Variants in IQSEC1 observed in about 807,000 individuals in gnomAD.
The protein encoded by IQSEC1 is IQ motif and Sec7 domain ArfGEF 1, also known as IQ motif and SEC7 domain-containing protein 1.
A neutral mutation model predicts 91.0 loss-of-function variants in IQSEC1; 31 were observed. The ratio of observed to expected loss-of-function variants is 0.34; its 90% CI spans 0.26 to 0.46. The LOEUF (loss-of-function observed/expected upper bound fraction) is 0.46, where lower values mean the gene tolerates loss of function less well. Among genes scored for constraint, IQSEC1 ranks in the 20% least tolerant of loss-of-function variants. The probability of loss-of-function intolerance (pLI) is 1.00; values close to 1 mark genes in which losing one functional copy is unlikely to be tolerated. For synonymous variants in IQSEC1, 699 were observed against 662.6 expected (o/e 1.05, Z -0.84); for missense variants, 1,388 against 1,575.6 (o/e 0.88, Z 2.02).
chr3:12,908,665 G>A lies in IQSEC1; in HGVS notation c.2579-140C>T, dbSNP rs919274305. The A allele has an allele frequency of 3.5e-5, 31 of 873,546 alleles. No individual in the cohort carries two copies. Among genetic ancestry groups the A allele is most frequent in the Non-Finnish European group, 5.5e-5 (31 of 559,774 alleles). The allele number at this position is 873,546 out of a possible 1,614,324, so 54.1% of individuals were successfully genotyped here. ...GGAAGGGTTGTTTCTGGGAAAGAGG[G>A]TGTGATGGCCACCCTGGACAAAAGA... is the stretch of plus-strand genomic sequence containing the variant. On this transcript the variant is annotated intron_variant, in intron 11 of 13. Transcript: ENST00000613206. This position sits in a 1 kb window ranked among gnomAD's most constrained non-coding sequence, Gnocchi z 4.9.
intron 1 of IQSEC1, among the ~76,000 whole-genome samples, chr3:12,987,452 G>C (rs1701796004): frequency 2.0e-5 from 3 of 152,250 alleles, no homozygotes; most frequent in African/African-American, 4.8e-5. Context: ...CAGAGAGAGA[G>C]AGAGAGACCG....
At position 13,257,068 on chromosome 3, in the gene IQSEC1, G is replaced by A. The variant is rs149855700; in HGVS notation, c.272+25643C>T. Among the ~76,000 whole-genome samples, 630 of 152,316 alleles carry A rather than the reference G, an allele frequency of 4.1e-3. 8 individuals are homozygous for A. Among genetic ancestry groups the A allele is most frequent in the African/African-American group, 0.014 (591 of 41,570 alleles). On this transcript the variant is annotated intron_variant, in intron 1 of 15. Transcript: ENST00000648114. The stretch of plus-strand genomic sequence containing the variant: ...TAAAACCTACCTCTGGTGCTGCCAT[G>A]AGGATTAAGGGAGGCAGCGAGTATA...
At chr3:12,961,318 A>G (rs531896895) in intron 1 of IQSEC1, among the ~76,000 whole-genome samples, 2 of 152,362 alleles carry the variant, frequency 1.3e-5, no homozygotes, top group African/African-American at 4.8e-5. Flanking sequence ...TGTCTCACAC[A>G]TGGTGCAGGC....
At chr3:12,991,237 G>T (rs111828627) in intron 1 of IQSEC1, among the ~76,000 whole-genome samples, 3,314 of 152,326 alleles carry the variant, frequency 0.022, 49 homozygotes, top group Non-Finnish European at 0.031. Flanking sequence ...GAGGTATCAT[G>T]GATGAGGGTG....
chr3:13,094,553 C>G (rs896013083), intron 2 of IQSEC1, among the ~76,000 whole-genome samples: 12 of 152,202 alleles, frequency 7.9e-5, no homozygotes, highest in South Asian at 2.1e-4. Context: ...TCTCTCTCCT[C>G]CTGACACCCC....
chr3:13,055,832 G>A (rs1299633238), intron 1 of IQSEC1, among the ~76,000 whole-genome samples: 2 of 152,110 alleles, frequency 1.3e-5, no homozygotes, highest in African/African-American at 4.8e-5. Flanking sequence ...GAACATCCTG[G>A]CGGAGGGGCC....
At chr3:12,938,357 A>AT (rs1480785012) in intron 2 of IQSEC1, among the ~76,000 whole-genome samples, 1 of 152,172 alleles carries the variant, frequency 6.6e-6, no homozygotes, top group Non-Finnish European at 1.5e-5. Flanking sequence ...AGCAAATCGA[A>AT]GGCTGTGGCC....
chr3:12,938,475 G>T (rs1698435151), intron 2 of IQSEC1, among the ~76,000 whole-genome samples: 1 of 152,190 alleles, frequency 6.6e-6, no homozygotes, highest in South Asian at 2.1e-4. Context: ...AGCTGGGGGG[G>T]CTTGAGGGGA....
Position 13,103,352 on chromosome 3 carries a change from G to A in IQSEC1, c.303-55830C>T, listed in dbSNP as rs572264312. On this transcript the variant is annotated intron_variant, in intron 2 of 15. Transcript: ENST00000648114. This position sits in a 1 kb window ranked among gnomAD's most constrained non-coding sequence, Gnocchi z 4.1. Reference sequence around the variant, plus strand: ...ATTAACCGCCCCCGCCAACACACCCGAGGCACCAATAGATCACCCTCTCCC... The same window carrying A: ...ATTAACCGCCCCCGCCAACACACCCAAGGCACCAATAGATCACCCTCTCCC... Among the ~76,000 whole-genome samples the A allele has an allele frequency of 2.6e-5, 4 of 151,952 alleles. No homozygotes were observed. In the East Asian group the frequency reaches 7.8e-4, roughly 30 times the overall value.
chr3:13,055,436 C>A (rs1412857268), intron 1 of IQSEC1, among the ~76,000 whole-genome samples: 6 of 152,212 alleles, frequency 3.9e-5, no homozygotes, highest in Non-Finnish European at 5.9e-5. Context: ...ATGCAGCCCC[C>A]AATTCCAGGT....
chr3:12,901,249 G>T lies in IQSEC1; in HGVS notation c.3079C>A (p.His1027Asn). The T allele has an allele frequency of 6.5e-7, 1 of 1,548,540 alleles. No homozygotes were observed. Reference sequence around the variant, plus strand: ...TGCATGTGGCAGTACTGGGTGTGATGCCCGTGCATGGCGGCCTGCGGCAGC... The same window carrying T: ...TGCATGTGGCAGTACTGGGTGTGATTCCCGTGCATGGCGGCCTGCGGCAGC... Reference protein sequence around the residue: ...EGLPQAAMHGHHTQYCHMQNP... With the variant: ...EGLPQAAMHGNHTQYCHMQNP... The change falls in exon 14 of 14, where the codon CAT becomes AAT. Residue 1027 changes from histidine (H) to asparagine (N), a missense_variant. By Grantham distance (68) the His-to-Asn change is moderately conservative. Around this residue, in one of 2 missense-constraint regions of IQSEC1, gnomAD observed 329 missense variants for 257.8 expected, o/e 1.28. Transcript: ENST00000613206.
chr3:13,164,609 G>A (rs1408475658), intron 1 of IQSEC1, among the ~76,000 whole-genome samples: 3 of 152,188 alleles, frequency 2.0e-5, no homozygotes, highest in Non-Finnish European at 4.4e-5. Flanking sequence ...CTATTTTCAA[G>A]TACTCAGAAA....
chr3:13,140,286 C>T (rs1319933433), intron 2 of IQSEC1, among the ~76,000 whole-genome samples: 1 of 152,210 alleles, frequency 6.6e-6, no homozygotes, highest in Non-Finnish European at 1.5e-5. Flanking sequence ...GAACAGGGCT[C>T]ATGGCAGATT....
intron 1 of IQSEC1, among the ~76,000 whole-genome samples, chr3:13,279,660 G>A (rs1443785474): frequency 6.6e-6 from 1 of 152,168 alleles, no homozygotes; most frequent in Non-Finnish European, 1.5e-5. Flanking sequence ...GGCGGGCTGG[G>A]GGCTCCTGAC....
intron 1 of IQSEC1, among the ~76,000 whole-genome samples, chr3:13,001,998 G>T (rs1702442321): frequency 6.6e-6 from 1 of 152,086 alleles, no homozygotes; most frequent in African/African-American, 2.4e-5. Flanking sequence ...GCAGGGTGGG[G>T]GGTGGCAGAG....
chr3:13,034,736 T>C (rs1167793366), intron 1 of IQSEC1, among the ~76,000 whole-genome samples: 2 of 152,150 alleles, frequency 1.3e-5, no homozygotes, highest in African/African-American at 4.8e-5. Flanking sequence ...GACAAGTTTC[T>C]CAAGGCCCTG....
At chr3:13,023,998 T>A (rs1253767890) in intron 1 of IQSEC1, among the ~76,000 whole-genome samples, 1 of 152,218 alleles carries the variant, frequency 6.6e-6, no homozygotes, top group Non-Finnish European at 1.5e-5. Context: ...CATTCCATCA[T>A]GGAACCCCAC....
In IQSEC1 at chr3:13,100,228, C is replaced by T. The variant is rs1432920804; in HGVS notation, c.303-52706G>A. ...GGGGGGTGTGGGGAGGTAAATAAGGCAGGTGCAGACCATGGTCCTCCCTCC... is the reference window on the plus strand; with the variant it reads ...GGGGGGTGTGGGGAGGTAAATAAGGTAGGTGCAGACCATGGTCCTCCCTCC... On this transcript the variant is annotated intron_variant, in intron 2 of 15. Transcript: ENST00000648114. Among the ~76,000 whole-genome samples, 9 of 147,956 alleles carry T rather than the reference C, an allele frequency of 6.1e-5. 1 individual carries two copies. Among genetic ancestry groups the T allele is most frequent in the Admixed American group, 4.7e-4 (7 of 14,946 alleles).
intron 1 of IQSEC1, among the ~76,000 whole-genome samples, chr3:13,017,089 A>G (rs1374976571): frequency 1.3e-5 from 2 of 152,182 alleles, no homozygotes; most frequent in Admixed American, 6.5e-5. Flanking sequence ...AATATTCCAC[A>G]CTATGGACAG....
Sources: gnomAD v4.1 joint callset for allele counts (sites outside exome capture counted in the v4.1 genomes callset) on GRCh38, gnomAD v4.1.1 for gene constraint, gnomAD v4.1.1 regional missense constraint, Gnocchi (gnomAD v3.1) non-coding constraint, MANE v1.5 for transcripts, NCBI Gene and HGNC (gene_info 2026-07-23, HGNC 2026-07-21) for gene names.